Variants in TNFRSF8 observed in about 807,000 individuals in gnomAD.
TNFRSF8 encodes the protein TNF receptor superfamily member 8.
A neutral mutation model predicts 70.8 loss-of-function variants in TNFRSF8; 26 were observed. That is an observed-to-expected ratio of 0.37 (90% confidence interval 0.27 to 0.51). TNFRSF8 has a LOEUF of 0.51. Among genes scored for constraint, TNFRSF8 ranks in the 20% least tolerant of loss-of-function variants. The pLI is 0.94. For missense variants in TNFRSF8, 720 were observed against 807.9 expected (o/e 0.89, Z 1.32); for synonymous variants, 356 against 339.2 (o/e 1.05, Z -0.54).
chr1:12,115,166 C>A (rs972468490), intron 7 of TNFRSF8, among the ~76,000 whole-genome samples: 2 of 152,142 alleles, frequency 1.3e-5, no homozygotes, highest in Non-Finnish European at 2.9e-5. Context: ...GGAGGACTTT[C>A]TTTTAACAGC....
chr1:12,076,735 G>C (rs191164965), intron 1 of TNFRSF8, among the ~76,000 whole-genome samples: 38 of 152,200 alleles, frequency 2.5e-4, no homozygotes, highest in Non-Finnish European at 1.3e-4. Context: ...CCAGGGATGG[G>C]TGTGTTTAAA....
At chr1:12,140,588 C>A (rs970431212) in intron 14 of TNFRSF8, among the ~76,000 whole-genome samples, 11 of 152,146 alleles carry the variant, frequency 7.2e-5, no homozygotes, top group Non-Finnish European at 1.6e-4. Context: ...CGGGGCAGAC[C>A]CCTCATGGCC....
rs1056990373 is a variant in TNFRSF8, at chr1:12,138,661, C to T, written c.1543+225C>T. Among the ~76,000 whole-genome samples the T allele has an allele frequency of 1.3e-5, 2 of 152,148 alleles. No homozygotes were observed. Among genetic ancestry groups the T allele is most frequent in the Non-Finnish European group, 2.9e-5 (2 of 68,034 alleles). On this transcript the variant is annotated intron_variant, in intron 14 of 14. Coordinates refer to ENST00000263932, the MANE Select transcript of TNFRSF8 (RefSeq NM_001243.5). This position sits in a 1 kb window ranked among gnomAD's most constrained non-coding sequence, Gnocchi z 5.7. ...TTCATGAGCCAGTGTGCATGAGATG[C>T]CTGCTGTTACTCATAAAAAACGAAC...
At chr1:12,130,978 C>T (rs1002656011) in intron 12 of TNFRSF8, among the ~76,000 whole-genome samples, 9 of 152,118 alleles carry the variant, frequency 5.9e-5, no homozygotes, top group South Asian at 2.1e-4. Context: ...TTCCAGATTC[C>T]GCCTTTTTAC....
At chr1:12,091,033 G>A (rs1641240323) in intron 2 of TNFRSF8, among the ~76,000 whole-genome samples, 1 of 152,238 alleles carries the variant, frequency 6.6e-6, no homozygotes, top group Non-Finnish European at 1.5e-5. Flanking sequence ...AGACAAGACT[G>A]TGGGAGGACA....
chr1:12,108,272 GT>G lies in TNFRSF8; in HGVS notation c.422-1291del, dbSNP rs138046587. On this transcript the variant is annotated intron_variant, in intron 4 of 14. Coordinates refer to ENST00000263932, the MANE Select transcript of TNFRSF8 (RefSeq NM_001243.5). The surrounding 1 kb of genome is among the most constrained non-coding windows in gnomAD (Gnocchi z 4.0). ...TTTTTGTAATTTTAGTAGAGATGGG[GT>G]TTCACTATGTTGTCCAGGCTGGTCT... Among the ~76,000 whole-genome samples the G allele has an allele frequency of 0.057, 8,663 of 151,746 alleles. 328 individuals are homozygous for G. Among genetic ancestry groups the G allele is most frequent in the Non-Finnish European group, 0.08 (5,424 of 67,890 alleles).
At chr1:12,090,150 A>C (rs866652484) in intron 2 of TNFRSF8, among the ~76,000 whole-genome samples, 2 of 143,060 alleles carry the variant, frequency 1.4e-5, no homozygotes, top group South Asian at 2.3e-4. Context: ...CCATCCATCT[A>C]TCTACCCATC....
chr1:12,136,870 CTTTTTT>C lies in TNFRSF8; in HGVS notation c.1335+1277_1335+1282del, dbSNP rs201470263. 3.2e-3 allele frequency among the ~76,000 whole-genome samples: 377 copies of C among 118,696 alleles called. 1 individual carries two copies. Among genetic ancestry groups the C allele is most frequent in the Middle Eastern group, 9.3e-3 (2 of 214 alleles). The allele number at this position is 118,696 out of a possible 152,430, so 77.9% of individuals were successfully genotyped here. ...TTTCCACTTTGAAAAATACTCAGTT[CTTTTTT>C]TTTTTTTTTTTTTTTTTTTAATTTT... On this transcript the variant is annotated intron_variant, in intron 13 of 14. Transcript: ENST00000263932.
At chr1:12,104,270 C>G (rs1447035252) in intron 3 of TNFRSF8, 109 bp from the exon 4 acceptor site, 11 of 1,194,542 alleles carry the variant, frequency 9.2e-6, no homozygotes, top group Non-Finnish European at 1.4e-5. Flanking sequence ...AGCTGGGAGG[C>G]GGAGGCTGCG....
chr1:12,135,536 G>C, intron 12 of TNFRSF8, 52 bp from the exon 13 acceptor site: 1 of 1,610,862 alleles, frequency 6.2e-7, no homozygotes, highest in Non-Finnish European at 8.5e-7. Flanking sequence ...GGGCGGGTGG[G>C]GCCGGGGGCT....
intron 2 of TNFRSF8, among the ~76,000 whole-genome samples, chr1:12,091,989 C>T (rs1467522440): frequency 6.6e-6 from 1 of 152,090 alleles, no homozygotes; most frequent in Non-Finnish European, 1.5e-5. Context: ...TGCTCGCTCA[C>T]CGTCACTCAC....
At chr1:12,084,768 T>G (rs936514670) in intron 2 of TNFRSF8, among the ~76,000 whole-genome samples, 15 of 152,350 alleles carry the variant, frequency 9.8e-5, no homozygotes, top group Admixed American at 3.3e-4. Flanking sequence ...GCCACCAGAA[T>G]GTCCATCTCC....
intron 1 of TNFRSF8, among the ~76,000 whole-genome samples, chr1:12,069,118 G>T (rs1251026097): frequency 7.2e-6 from 1 of 138,806 alleles, no homozygotes; most frequent in African/African-American, 2.7e-5. Flanking sequence ...TGATCCACCC[G>T]CCTCGGCCTT....
At chr1:12,129,587 G>A (rs1642008887) in intron 12 of TNFRSF8, among the ~76,000 whole-genome samples, 1 of 152,238 alleles carries the variant, frequency 6.6e-6, no homozygotes, top group Non-Finnish European at 1.5e-5. Flanking sequence ...ACTGGGAAGA[G>A]CGCAGGCTGG....
intron 1 of TNFRSF8, among the ~76,000 whole-genome samples, chr1:12,079,736 C>A (rs953369949): frequency 6.6e-6 from 1 of 152,160 alleles, no homozygotes; most frequent in Non-Finnish European, 1.5e-5. Flanking sequence ...AGGTTGAGAT[C>A]CCACAGCCCC....
chr1:12,117,371 C>T (rs1309974653), intron 8 of TNFRSF8, among the ~76,000 whole-genome samples: 8 of 152,202 alleles, frequency 5.3e-5, no homozygotes, highest in Admixed American at 2.6e-4. Flanking sequence ...GTGTGAGCCA[C>T]CGTGCCTGGC....
intron 2 of TNFRSF8, among the ~76,000 whole-genome samples, chr1:12,092,348 C>G: frequency 6.6e-6 from 1 of 151,846 alleles, no homozygotes; most frequent in Non-Finnish European, 1.5e-5. Context: ...GGCTAATTTT[C>G]TATTGTTGTA....
Position 12,109,510 on chromosome 1 carries a change from C to A in TNFRSF8, c.422-56C>A. 2 of 1,456,220 alleles carry A rather than the reference C, an allele frequency of 1.4e-6. No individual in the cohort carries two copies. The highest frequency in any genetic ancestry group is 9.6e-7 in the Non-Finnish European group (1 of 1,043,570). 90.2% of individuals were successfully genotyped at this position (1,456,220 alleles called of 1,614,324 possible). A position where few individuals can be genotyped will look rare whatever the true frequency, so the allele number is the denominator to read the frequency against. ...GCCTGTGGTAGTGAAGGGTGTATTCCGGGAGACTTTGGGTCCCCAACACTG... is the reference window on the plus strand; with the variant it reads ...GCCTGTGGTAGTGAAGGGTGTATTCAGGGAGACTTTGGGTCCCCAACACTG... On this transcript the variant is annotated intron_variant, in intron 4 of 14. Transcript: ENST00000263932. This position sits in a 1 kb window ranked among gnomAD's most constrained non-coding sequence, Gnocchi z 4.4.
chr1:12,127,008 C>T (rs1364371763), intron 12 of TNFRSF8, among the ~76,000 whole-genome samples: 2 of 152,226 alleles, frequency 1.3e-5, no homozygotes, highest in Non-Finnish European at 2.9e-5. Flanking sequence ...CCTGCCCAGC[C>T]TCTGGGCCAG....
Sources: allele counts gnomAD v4.1 joint callset (sites outside exome capture counted in the v4.1 genomes callset), GRCh38; gene constraint gnomAD v4.1.1; non-coding constraint Gnocchi (gnomAD v3.1); transcripts MANE v1.5; gene names NCBI Gene and HGNC (gene_info 2026-07-23, HGNC 2026-07-21).